Variants in TGM1 observed in about 807,000 individuals in gnomAD.
The protein encoded by TGM1 is protein-glutamine gamma-glutamyltransferase K.
Under a neutral mutation model 88.7 loss-of-function variants are expected in TGM1, and 63 were observed. The ratio of observed to expected loss-of-function variants is 0.71; its 90% confidence interval spans 0.58 to 0.88. TGM1 has a LOEUF of 0.88. Ranked by LOEUF, TGM1 falls within the 40% of genes least tolerant of loss-of-function variation. The pLI is 0.00. For missense variants in TGM1, 996 were observed against 1,118.0 expected, an observed-to-expected ratio of 0.89 and a Z score of 1.56; for synonymous variants, 415 against 431.1, an observed-to-expected ratio of 0.96 and a Z score of 0.46.
At position 24,259,646 on chromosome 14, in the gene TGM1, G is replaced by T; in HGVS notation, c.984+58C>A. 1 of 1,395,286 alleles carries T rather than the reference G, an allele frequency of 7.2e-7. No homozygotes were observed. The highest frequency in any genetic ancestry group is 1.0e-6 in the Non-Finnish European group (1 of 999,954). The allele number at this position is 1,395,286 out of a possible 1,614,324, so 86.4% of individuals were successfully genotyped here. On this transcript the variant is annotated intron_variant, in intron 6 of 14. Coordinates refer to ENST00000206765, the MANE Select transcript of TGM1 (RefSeq NM_000359.3). The surrounding 1 kb of genome is among the most constrained non-coding windows in gnomAD (Gnocchi z 5.7). ...CCAGAAAGGGCAGGAGGAGGGTGGG[G>T]GTGTGGCGAGGCAGCAGGCACACAC...
chr14:24,260,690 G>A lies in TGM1; in HGVS notation c.517C>T (p.Pro173Ser), dbSNP rs553309439. Residue 173 changes from proline to serine, a missense_variant, in exon 4 of 15, where the codon CCC becomes TCC. Transcript: ENST00000206765. ...ITLELLIGNN[P>S]EVGKGTHVII... ...ACGTGCGTGCCCTTGCCCACCTCGG[G>A]GTTGTTTCCTAGAGTAGGAAATCAG... is the stretch of plus-strand genomic sequence containing the variant. The A allele has an allele frequency of 4.3e-6, 7 of 1,614,058 alleles. No individual in the cohort carries two copies. The African/African-American group carries it at 6.7e-5, about 15-fold the overall frequency.
chr14:24,260,705 T>G lies in TGM1; in HGVS notation c.509-7A>C, dbSNP rs1594572917. 2.5e-6 allele frequency: 4 copies of G among 1,613,592 alleles called. No homozygotes were observed. Among genetic ancestry groups the G allele is most frequent in the African/African-American group, 1.3e-5 (1 of 74,858 alleles). ...CCCACCTCGGGGTTGTTTCCTAGAGTAGGAAATCAGCAATTAGCTGGCAAG... is the reference window on the plus strand; with the variant it reads ...CCCACCTCGGGGTTGTTTCCTAGAGGAGGAAATCAGCAATTAGCTGGCAAG... On this transcript the variant is annotated splice_polypyrimidine_tract_variant and splice_region_variant and intron_variant, in intron 3 of 14. Coordinates refer to ENST00000206765, the MANE Select transcript of TGM1 (RefSeq NM_000359.3).
Position 24,255,134 on chromosome 14 carries a change from C to G in TGM1, c.1765G>C (p.Val589Leu). The stretch of plus-strand genomic sequence containing the variant: ...GAGACCATCAGATCCTGCCCCATCA[C>G]CGCGTCCTGTGCCTCCACCTGCATG... ...VAMQVEAQDAVMGQDLMVSVM... is the reference protein window; with the variant it reads ...VAMQVEAQDALMGQDLMVSVM... The change falls in exon 12 of 15, where the codon GTG becomes CTG. Residue 589 changes from valine to leucine, a missense_variant. Transcript: ENST00000206765. The surrounding 1 kb of genome is among the most constrained non-coding windows in gnomAD (Gnocchi z 4.0). 1 of 1,614,114 alleles carries G rather than the reference C, an allele frequency of 6.2e-7. No individual in the cohort carries two copies. Among genetic ancestry groups the G allele is most frequent in the Non-Finnish European group, 8.5e-7 (1 of 1,180,042 alleles).
In TGM1 at chr14:24,255,078, G is replaced by A. The variant is rs1198161176; in HGVS notation, c.1821C>T (p.Arg607=). 1 of 1,614,046 alleles carries A rather than the reference G, an allele frequency of 6.2e-7. No homozygotes were observed. The highest frequency in any genetic ancestry group is 2.2e-5 in the East Asian group (1 of 44,898). Reference sequence around the variant, plus strand: ...GGTAGAGGTGCAGTTTCACTGTGCGGCGGCTGCTGCTGTGATTGATCAGCA... The same window carrying A: ...GGTAGAGGTGCAGTTTCACTGTGCGACGGCTGCTGCTGTGATTGATCAGCA... ...SVMLINHSSS[R]RTVKLHLYLS... The change falls in exon 12 of 15, where the codon CGC becomes CGT. Residue 607 remains arginine, a synonymous_variant. Transcript: ENST00000206765. The surrounding 1 kb of genome is among the most constrained non-coding windows in gnomAD (Gnocchi z 4.0).
At chr14:24,260,294 C>G in intron 4 of TGM1, 156 bp downstream of exon 4, 1 of 1,306,038 alleles carries the variant, frequency 7.7e-7, no homozygotes, top group South Asian at 1.3e-5. Flanking sequence ...GGGCTGGCCA[C>G]CTTTCTGCAC....
In TGM1 at chr14:24,251,480, T is replaced by C. The variant is rs182538697; in HGVS notation, c.2226-1939A>G. Among the ~76,000 whole-genome samples the C allele has an allele frequency of 5.9e-5, 9 of 152,320 alleles. No individual in the cohort carries two copies. The East Asian group carries it at 1.2e-3, about 20-fold the overall frequency. ...AAGATCTCTCCCTCCCCTGGTCTCATTGTGAGGTGGGGGACTTTACCACAC... is the reference window on the plus strand; with the variant it reads ...AAGATCTCTCCCTCCCCTGGTCTCACTGTGAGGTGGGGGACTTTACCACAC... On this transcript the variant is annotated intron_variant, in intron 14 of 14. Coordinates refer to ENST00000206765, the MANE Select transcript of TGM1 (RefSeq NM_000359.3).
At chr14:24,260,294 C>T in intron 4 of TGM1, 156 bp downstream of exon 4, 1 of 1,306,038 alleles carries the variant, frequency 7.7e-7, no homozygotes, top group African/African-American at 1.5e-5. Flanking sequence ...GGGCTGGCCA[C>T]CTTTCTGCAC....
At chr14:24,254,505 T>C (rs2040727633) in intron 13 of TGM1, among the ~76,000 whole-genome samples, 159 bp downstream of exon 13, 2 of 152,234 alleles carry the variant, frequency 1.3e-5, no homozygotes, top group Non-Finnish European at 2.9e-5. Context: ...GATCCCATGC[T>C]ACAGATGAGG....
At position 24,255,080 on chromosome 14, in the gene TGM1, G is replaced by GGCTGCT; in HGVS notation, c.1813_1818dup (p.Ser605_Ser606dup). ...TAGAGGTGCAGTTTCACTGTGCGGC[G>GGCTGCT]GCTGCTGCTGTGATTGATCAGCATC... On this transcript the variant is annotated inframe_insertion, in exon 12 of 15. Coordinates refer to ENST00000206765, the MANE Select transcript of TGM1 (RefSeq NM_000359.3). This position sits in a 1 kb window ranked among gnomAD's most constrained non-coding sequence, Gnocchi z 4.0. 6.2e-7 allele frequency: 1 copy of GGCTGCT among 1,614,146 alleles called. No individual in the cohort carries two copies. Among genetic ancestry groups the GGCTGCT allele is most frequent in the Non-Finnish European group, 8.5e-7 (1 of 1,180,042 alleles).
Position 24,262,319 on chromosome 14 carries a change from A to G in TGM1, c.34T>C (p.Trp12Arg), listed in dbSNP as rs1413293925. The G allele has an allele frequency of 1.2e-6, 2 of 1,613,650 alleles. No individual in the cohort carries two copies. The highest frequency in any genetic ancestry group is 3.3e-5 in the Admixed American group (2 of 60,032). The change falls in exon 2 of 15, where the codon TGG (tryptophan) becomes CGG (arginine). Residue 12 changes from tryptophan to arginine, a missense_variant. Transcript: ENST00000206765. ...GGGGGCTGCAAGGGGTTGCCACCCC[A>G]ACGGCCCACATCGGAACGTGGCCCA... ...MDGPRSDVGRWGGNPLQPPTT... is the reference protein window; with the variant it reads ...MDGPRSDVGRRGGNPLQPPTT...
Position 24,255,006 on chromosome 14 carries a change from C to G in TGM1, c.1893G>C (p.Glu631Asp). The change falls in exon 12 of 15, where the codon GAG becomes GAC. Residue 631 changes from glutamate (E) to aspartate (D), a missense_variant. Physicochemically the swap from Glu to Asp is conservative, Grantham distance 45. Transcript: ENST00000206765. This position sits in a 1 kb window ranked among gnomAD's most constrained non-coding sequence, Gnocchi z 4.0. ...GTGCCAGCTCCACTTCCTTCTTGGT[C>G]TCCTTGAAGATGGTACCACTGACAC... is the stretch of plus-strand genomic sequence containing the variant. ...YTGVSGTIFKETKKEVELAPG... is the reference protein window; with the variant it reads ...YTGVSGTIFKDTKKEVELAPG... 1.2e-6 allele frequency: 2 copies of G among 1,613,982 alleles called. No homozygotes were observed. Among genetic ancestry groups the G allele is most frequent in the Non-Finnish European group, 8.5e-7 (1 of 1,180,040 alleles).
rs984394322 is a variant in TGM1 at position 24,254,282 on chromosome 14, C to A, written c.2095G>T (p.Gly699Ter). 3.7e-6 allele frequency: 6 copies of A among 1,613,872 alleles called. No individual in the cohort carries two copies. Among genetic ancestry groups the A allele is most frequent in the Non-Finnish European group, 5.1e-6 (6 of 1,180,008 alleles). ...RTPDLSLTLLGAAVVGQECEV... is the reference protein window; with the variant it reads ...RTPDLSLTLL ...CACTCCTGGCCAACCACTGCTGCTCCCAGTAACTGAGAGAAAAAGAGGCCC... is the reference window on the plus strand; with the variant it reads ...CACTCCTGGCCAACCACTGCTGCTCACAGTAACTGAGAGAAAAAGAGGCCC... The change falls in exon 14 of 15, where the codon GGA (glycine) becomes TGA (stop). Residue 699 changes from glycine to a stop codon, truncating the protein, a stop_gained. Coordinates refer to ENST00000206765, the MANE Select transcript of TGM1 (RefSeq NM_000359.3). LOFTEE classifies it high-confidence loss of function.
chr14:24,262,688 G>A (rs2040824770), intron 1 of TGM1, among the ~76,000 whole-genome samples: 2 of 152,228 alleles, frequency 1.3e-5, no homozygotes, highest in Admixed American at 6.5e-5. Context: ...AGACCCAGCT[G>A]CACACACATC....
chr14:24,249,353 A>G lies in TGM1; in HGVS notation c.2414T>C (p.Leu805Ser), dbSNP rs2040679575. Reference sequence around the variant, plus strand: ...AGATGCCATAGGGATGGTCTCTCCTAAGTGACTGTCACCTCCAGCGTCTGA... The same window carrying G: ...AGATGCCATAGGGATGGTCTCTCCTGAGTGACTGTCACCTCCAGCGTCTGA... ...FFSDAGGDSH[L>S]GETIPMASRG... The change falls in exon 15 of 15, where the codon TTA (leucine) becomes TCA (serine). Residue 805 changes from leucine to serine, a missense_variant. Coordinates refer to ENST00000206765, the MANE Select transcript of TGM1 (RefSeq NM_000359.3). 1.2e-6 allele frequency: 2 copies of G among 1,613,996 alleles called. No individual in the cohort carries two copies. The highest frequency in any genetic ancestry group is 4.5e-5 in the East Asian group (2 of 44,878).
In TGM1 at chr14:24,260,015, A is replaced by G. The variant is rs750395926; in HGVS notation, c.801T>C (p.Tyr267=). The change falls in exon 5 of 15, where the codon TAT becomes TAC. Residue 267 remains tyrosine (Y), a synonymous_variant. Transcript: ENST00000206765. The part of the protein sequence containing the change: ...YVDHEDWRQE[Y]VLNESGRIYY... The stretch of plus-strand genomic sequence containing the variant: ...AAATTCTCCCAGACTCATTAAGAAC[A>G]TACTCCTGCCGCCAATCCTCATGGT... 6.2e-7 allele frequency: 1 copy of G among 1,614,180 alleles called. No homozygotes were observed. Among genetic ancestry groups the G allele is most frequent in the South Asian group, 1.1e-5 (1 of 91,088 alleles).
Position 24,262,186 on chromosome 14 carries a change from G to T in TGM1, c.167C>A (p.Ala56Glu), listed in dbSNP as rs147479810. The T allele has an allele frequency of 6.2e-7, 1 of 1,613,756 alleles. No homozygotes were observed. Among genetic ancestry groups the T allele is most frequent in the Non-Finnish European group, 8.5e-7 (1 of 1,180,038 alleles). The change falls in exon 2 of 15, where the codon GCG (alanine) becomes GAG (glutamate). Residue 56 changes from alanine to glutamate, a missense_variant. Physicochemically the swap from Ala to Glu is moderately radical, Grantham distance 107. Coordinates refer to ENST00000206765, the MANE Select transcript of TGM1 (RefSeq NM_000359.3). ...RCCGCCSCRN[A>E]ADDDWGPEPS... ...TTCAGGTCCCCAGTCGTCATCTGCC[G>T]CATTTCGGCATGAACAGCAGCCACA...
chr14:24,262,326 C>T lies in TGM1; in HGVS notation c.27G>A (p.Val9=). 1 of 1,613,636 alleles carries T rather than the reference C, an allele frequency of 6.2e-7. No individual in the cohort carries two copies. Among genetic ancestry groups the T allele is most frequent in the East Asian group, 2.2e-5 (1 of 44,880 alleles). The change falls in exon 2 of 15, where the codon GTG becomes GTA. Residue 9 remains valine, a synonymous_variant. Coordinates refer to ENST00000206765, the MANE Select transcript of TGM1 (RefSeq NM_000359.3). ...GCAAGGGGTTGCCACCCCAACGGCC[C>T]ACATCGGAACGTGGCCCATCCATCA... The part of the protein sequence containing the change: MMDGPRSD[V]GRWGGNPLQP...
intron 14 of TGM1, among the ~76,000 whole-genome samples, 161 bp from the exon 15 acceptor site, chr14:24,249,702 C>A (rs955727778): frequency 1.3e-5 from 2 of 152,142 alleles, no homozygotes; most frequent in Admixed American, 6.5e-5. Context: ...ATCCCCAGGG[C>A]GCCTCTGCAT....
intron 14 of TGM1, among the ~76,000 whole-genome samples, 162 bp from the exon 15 acceptor site, chr14:24,249,703 G>A (rs750027977): frequency 5.9e-5 from 9 of 152,060 alleles, no homozygotes; most frequent in East Asian, 1.9e-4. Context: ...TCCCCAGGGC[G>A]CCTCTGCATA....
Sources: allele counts gnomAD v4.1 joint callset (sites outside exome capture counted in the v4.1 genomes callset), GRCh38; gene constraint gnomAD v4.1.1; non-coding constraint Gnocchi (gnomAD v3.1); transcripts MANE v1.5; gene names NCBI Gene and HGNC (gene_info 2026-07-23, HGNC 2026-07-21).